Variants in RPS6KC1 observed in about 807,000 individuals in gnomAD.
RPS6KC1 encodes ribosomal protein S6 kinase C1.
A neutral mutation model predicts 103.8 loss-of-function variants in RPS6KC1; 54 were observed. That is an observed-to-expected ratio of 0.52 (90% CI 0.42 to 0.65). The LOEUF (loss-of-function observed/expected upper bound fraction) is 0.65. Among genes scored for constraint, RPS6KC1 ranks in the 30% least tolerant of loss-of-function variants. The pLI, the probability that RPS6KC1 is intolerant of heterozygous loss-of-function variation, is 0.00. For missense variants in RPS6KC1, 1,151 were observed against 1,253.8 expected (o/e 0.92, Z 1.24); for synonymous variants, 439 against 438.7 (o/e 1.00, Z -0.01).
the RPS6KC1 span, among the ~76,000 whole-genome samples, chr1:213,688,764 G>T: frequency 6.6e-6 from 1 of 152,204 alleles, no homozygotes. Flanking sequence ...TGTGAAGCAA[G>T]TGGAGTTTTC....
intron 6 of RPS6KC1, among the ~76,000 whole-genome samples, chr1:213,143,166 T>A (rs901546882): frequency 2.0e-5 from 3 of 152,076 alleles, no homozygotes; most frequent in Non-Finnish European, 4.4e-5. Flanking sequence ...TAGATTCAAT[T>A]TCTTTAGTAG....
At chr1:213,084,278 T>A (rs79105029) in intron 3 of RPS6KC1, among the ~76,000 whole-genome samples, 3,424 of 152,242 alleles carry the variant, frequency 0.022, 135 homozygotes, top group African/African-American at 0.077. Context: ...CTTTCTTTTC[T>A]AACTTTTTTG....
the RPS6KC1 span, among the ~76,000 whole-genome samples, chr1:213,489,325 A>G: frequency 2.0e-5 from 3 of 152,156 alleles, no homozygotes; most frequent in African/African-American, 7.2e-5. Context: ...GGTGGGCTGG[A>G]TGGGAAGTGA....
At chr1:213,353,700 G>T in the RPS6KC1 span, among the ~76,000 whole-genome samples, 9 of 152,284 alleles carry the variant, frequency 5.9e-5, no homozygotes, top group South Asian at 1.5e-3. Flanking sequence ...CTTTCTCAGG[G>T]CTGAGCTCTT....
intron 6 of RPS6KC1, among the ~76,000 whole-genome samples, chr1:213,151,339 C>A (rs1302163106): frequency 8.1e-6 from 1 of 123,416 alleles, no homozygotes; most frequent in African/African-American, 3.4e-5. Context: ...GCTGGCCGGG[C>A]GGGGGGCTAA....
chr1:213,335,281 G>A, the RPS6KC1 span, among the ~76,000 whole-genome samples: 12 of 152,360 alleles, frequency 7.9e-5, no homozygotes, highest in Non-Finnish European at 1.5e-4. Flanking sequence ...ATAATGATAG[G>A]TTGTTGTATT....
chr1:213,197,396 T>G (rs2148533118), intron 8 of RPS6KC1, among the ~76,000 whole-genome samples: 1 of 152,360 alleles, frequency 6.6e-6, no homozygotes, highest in Admixed American at 6.5e-5. Context: ...ATTCACAATA[T>G]TCATTCTACC....
the RPS6KC1 span, among the ~76,000 whole-genome samples, chr1:213,484,669 A>C: frequency 6.6e-6 from 1 of 152,228 alleles, no homozygotes. Flanking sequence ...TGTGAATGTC[A>C]AGAGGTGGGT....
chr1:213,609,006 C>T, the RPS6KC1 span, among the ~76,000 whole-genome samples: 1 of 151,890 alleles, frequency 6.6e-6, no homozygotes, highest in East Asian at 1.9e-4. Flanking sequence ...TGTGGGATTA[C>T]TAAAATAAAG....
intron 1 of RPS6KC1, among the ~76,000 whole-genome samples, chr1:213,058,297 T>C (rs528570019): frequency 6.6e-6 from 1 of 152,228 alleles, no homozygotes; most frequent in South Asian, 2.1e-4. Context: ...ATCAGTTCTT[T>C]ATTTTATGAA....
chr1:213,784,467 C>T, the RPS6KC1 span, among the ~76,000 whole-genome samples: 1 of 152,210 alleles, frequency 6.6e-6, no homozygotes, highest in African/African-American at 2.4e-5. Flanking sequence ...TGCTTGAATC[C>T]ACAACTCAGA....
chr1:213,416,390 G>A, the RPS6KC1 span, among the ~76,000 whole-genome samples: 2 of 152,248 alleles, frequency 1.3e-5, no homozygotes, highest in Non-Finnish European at 2.9e-5. Context: ...ATTGGAGAAT[G>A]CATAGGATTT....
At chr1:213,444,241 A>C in the RPS6KC1 span, among the ~76,000 whole-genome samples, 1 of 152,068 alleles carries the variant, frequency 6.6e-6, no homozygotes, top group East Asian at 1.9e-4. Context: ...GTGGATTAGA[A>C]CCACCCTGAT....
At chr1:213,246,943 C>A (rs1397922866) in intron 12 of RPS6KC1, among the ~76,000 whole-genome samples, 1 of 152,136 alleles carries the variant, frequency 6.6e-6, no homozygotes, top group African/African-American at 2.4e-5. Context: ...CAATCTGAGA[C>A]AAGTGCATAA....
chr1:213,601,411 A>G, the RPS6KC1 span, among the ~76,000 whole-genome samples: 1 of 147,914 alleles, frequency 6.8e-6, no homozygotes, highest in Non-Finnish European at 1.5e-5. Context: ...TATATTATAT[A>G]TTGCATATAT....
the RPS6KC1 span, among the ~76,000 whole-genome samples, chr1:213,665,280 G>A: frequency 6.6e-6 from 1 of 151,878 alleles, no homozygotes; most frequent in African/African-American, 2.4e-5. Flanking sequence ...TATCCAAAAT[G>A]TAGACAAAGA....
At chr1:213,074,635 T>C (rs1185074769) in intron 2 of RPS6KC1, among the ~76,000 whole-genome samples, 1 of 152,028 alleles carries the variant, frequency 6.6e-6, no homozygotes, top group African/African-American at 2.4e-5. Flanking sequence ...TCTGCAGCCC[T>C]AGAGTTGAGA....
the RPS6KC1 span, among the ~76,000 whole-genome samples, chr1:213,649,127 C>G: frequency 1.3e-5 from 2 of 152,046 alleles, no homozygotes; most frequent in East Asian, 3.9e-4. Context: ...GGCTCTTGCT[C>G]CCATCCCTTT....
the RPS6KC1 span, among the ~76,000 whole-genome samples, chr1:213,794,899 A>T: frequency 6.6e-6 from 1 of 152,206 alleles, no homozygotes; most frequent in Non-Finnish European, 1.5e-5. Context: ...CAGTTGATTT[A>T]GGCCTCCCAA....
Sources: allele counts gnomAD v4.1 joint callset (sites outside exome capture counted in the v4.1 genomes callset), GRCh38; gene constraint gnomAD v4.1.1; transcripts MANE v1.5; gene names NCBI Gene and HGNC (gene_info 2026-07-23, HGNC 2026-07-21).